The following PTPRN2 variants were observed in gnomAD, a reference collection of about 807,000 sequenced individuals.
The protein encoded by PTPRN2 is receptor-type tyrosine-protein phosphatase N2.
In PTPRN2, 74 loss-of-function variants were observed where a neutral mutation model predicts 118.8. That is an observed-to-expected ratio of 0.62 (90% CI 0.52 to 0.76). PTPRN2 has a LOEUF of 0.76. PTPRN2 is among the 30% of genes least tolerant of loss of function. The pLI, the probability that PTPRN2 is intolerant of heterozygous loss-of-function variation, is 0.00. For synonymous variants in PTPRN2, 641 were observed against 608.0 expected (o/e 1.05, Z -0.80); for missense variants, 1,481 against 1,394.4 (o/e 1.06, Z -0.99).
At chr7:158,132,482 C>T (rs1167017665) in intron 9 of PTPRN2, among the ~76,000 whole-genome samples, 2 of 152,048 alleles carry the variant, frequency 1.3e-5, no homozygotes, top group African/African-American at 4.8e-5. Context: ...CGTATACACA[C>T]ACGCACGCAC....
rs1826170202 is a variant in PTPRN2, at chr7:158,544,501, G to A, written c.112+43057C>T. Among the ~76,000 whole-genome samples the A allele has an allele frequency of 6.6e-6, 1 of 152,126 alleles. No individual in the cohort carries two copies. Among genetic ancestry groups the A allele is most frequent in the Non-Finnish European group, 1.5e-5 (1 of 68,032 alleles). On this transcript the variant is annotated intron_variant, in intron 1 of 22. Transcript: ENST00000389418. This position sits in a 1 kb window ranked among gnomAD's most constrained non-coding sequence, Gnocchi z 4.2. Reference sequence around the variant, plus strand: ...AAATACAAAAAAATTAGCCTGGTGTGGTGGCACATGCCTGTAATCACAGCT... The same window carrying A: ...AAATACAAAAAAATTAGCCTGGTGTAGTGGCACATGCCTGTAATCACAGCT...
rs1585117789 is a variant in PTPRN2 at position 157,974,303 on chromosome 7, C to A, written c.1724-75566G>T. On this transcript the variant is annotated intron_variant, in intron 11 of 22. Transcript: ENST00000389418. The surrounding 1 kb of genome is among the most constrained non-coding windows in gnomAD (Gnocchi z 4.0). Reference sequence around the variant, plus strand: ...CAATGGTGCCACTCCAGCCGGGCCACCCTGCCCACAAGGTCTTCCACGGGG... The same window carrying A: ...CAATGGTGCCACTCCAGCCGGGCCAACCTGCCCACAAGGTCTTCCACGGGG... Among the ~76,000 whole-genome samples the A allele has an allele frequency of 6.6e-6, 1 of 152,222 alleles. No homozygotes were observed. The highest frequency in any genetic ancestry group is 1.9e-4 in the East Asian group (1 of 5,198).
Position 158,579,435 on chromosome 7 carries a change from G to A in PTPRN2, c.112+8123C>T, listed in dbSNP as rs1586977203. On this transcript the variant is annotated intron_variant, in intron 1 of 22. Coordinates refer to ENST00000389418, the MANE Select transcript of PTPRN2 (RefSeq NM_002847.5). The stretch of plus-strand genomic sequence containing the variant: ...TATCAGAAACTCTGTGGTTACCAAG[G>A]ACTCTCCCACCCATCTCAGGTAATC... Among the ~76,000 whole-genome samples the A allele has an allele frequency of 2.6e-5, 4 of 152,242 alleles. No individual in the cohort carries two copies. In the South Asian group the frequency reaches 8.3e-4, roughly 32 times the overall value.
intron 11 of PTPRN2, among the ~76,000 whole-genome samples, chr7:157,958,002 T>C (rs1044836120): frequency 1.5e-4 from 23 of 152,066 alleles, no homozygotes; most frequent in African/African-American, 5.6e-4. Context: ...AAAATACTAG[T>C]AGACAAAATT....
chr7:158,057,039 G>A (rs1036256480), intron 11 of PTPRN2, among the ~76,000 whole-genome samples: 7 of 152,178 alleles, frequency 4.6e-5, no homozygotes, highest in Admixed American at 1.3e-4. Flanking sequence ...CCCACCCAGC[G>A]ACCCCAAGGT....
intron 3 of PTPRN2, among the ~76,000 whole-genome samples, chr7:158,294,020 C>T (rs1388652531): frequency 6.6e-6 from 1 of 152,246 alleles, no homozygotes; most frequent in Non-Finnish European, 1.5e-5. Flanking sequence ...GATAAAAGTA[C>T]AGCAAATACA....
intron 9 of PTPRN2, among the ~76,000 whole-genome samples, chr7:158,121,499 G>T (rs914987864): frequency 6.6e-6 from 1 of 152,150 alleles, no homozygotes; most frequent in Admixed American, 6.5e-5. Flanking sequence ...TGCCCCCTGC[G>T]GAGCATAAGC....
chr7:157,717,690 G>GTGAAGCAAGGGTC, intron 12 of PTPRN2, among the ~76,000 whole-genome samples: 1 of 152,364 alleles, frequency 6.6e-6, no homozygotes, highest in East Asian at 1.9e-4. Context: ...ATGGGCACCG[G>GTGAAGCAAGGGTC]CTGCTCCTTG....
intron 5 of PTPRN2, 141 bp from the exon 6 acceptor site, chr7:158,167,432 G>T: frequency 4.5e-6 from 5 of 1,120,292 alleles, no homozygotes; most frequent in Non-Finnish European, 6.2e-6. Flanking sequence ...CAGGTTCAAG[G>T]TCCTAAACAG....
chr7:158,183,480 A>G (rs1357707112), intron 5 of PTPRN2, among the ~76,000 whole-genome samples: 6 of 152,080 alleles, frequency 3.9e-5, no homozygotes, highest in Non-Finnish European at 8.8e-5. Flanking sequence ...TTAGATTGCA[A>G]ATTTCAGTTG....
intron 11 of PTPRN2, among the ~76,000 whole-genome samples, chr7:157,942,272 C>A (rs1389606447): frequency 1.3e-5 from 2 of 152,064 alleles, no homozygotes. Flanking sequence ...TGAGGCACCA[C>A]AAAAGCAGCA....
chr7:157,898,992 C>T (rs991209939), intron 11 of PTPRN2, among the ~76,000 whole-genome samples: 7 of 152,222 alleles, frequency 4.6e-5, no homozygotes, highest in East Asian at 1.9e-4. Flanking sequence ...GTGTCCCACC[C>T]GGGTCCCCAG....
intron 13 of PTPRN2, among the ~76,000 whole-genome samples, chr7:157,662,295 C>CTACGAT (rs1437319999): frequency 6.6e-6 from 1 of 152,216 alleles, no homozygotes; most frequent in Non-Finnish European, 1.5e-5. Context: ...GCTGTTCCTA[C>CTACGAT]TACGATGATT....
intron 2 of PTPRN2, among the ~76,000 whole-genome samples, chr7:158,373,926 T>C (rs1810295413): frequency 6.6e-6 from 1 of 152,204 alleles, no homozygotes; most frequent in East Asian, 1.9e-4. Flanking sequence ...TCTGCCTACC[T>C]GGTGCATGGA....
intron 10 of PTPRN2, among the ~76,000 whole-genome samples, chr7:158,095,262 C>T (rs1814541185): frequency 6.6e-6 from 1 of 150,676 alleles, no homozygotes; most frequent in Admixed American, 6.7e-5. Context: ...TAACGCCAAG[C>T]AGGGTATCTA....
intron 2 of PTPRN2, among the ~76,000 whole-genome samples, chr7:158,465,135 C>T (rs1363554417): frequency 6.6e-6 from 1 of 152,176 alleles, no homozygotes; most frequent in Non-Finnish European, 1.5e-5. Context: ...GCATGCTGGG[C>T]CTCCTCTCCT....
intron 1 of PTPRN2, among the ~76,000 whole-genome samples, chr7:158,494,341 C>G (rs544382597): frequency 6.6e-6 from 1 of 152,380 alleles, no homozygotes; most frequent in South Asian, 2.1e-4. Context: ...TTCCTGGGTT[C>G]AGGCTTCTCG....
At chr7:158,131,140 A>G (rs1338255498) in intron 9 of PTPRN2, among the ~76,000 whole-genome samples, 3 of 80,080 alleles carry the variant, frequency 3.7e-5, no homozygotes, top group South Asian at 4.6e-4. Context: ...ACATACACAC[A>G]TACACACACA....
chr7:158,543,878 C>T (rs1826135983), intron 1 of PTPRN2, among the ~76,000 whole-genome samples: 1 of 152,258 alleles, frequency 6.6e-6, no homozygotes, highest in South Asian at 2.1e-4. Flanking sequence ...CCCGGCTAAG[C>T]TGCCTCTGCA....
Sources: allele counts gnomAD v4.1 joint callset (sites outside exome capture counted in the v4.1 genomes callset), GRCh38; gene constraint gnomAD v4.1.1; non-coding constraint Gnocchi (gnomAD v3.1); transcripts MANE v1.5; gene names NCBI Gene and HGNC (gene_info 2026-07-23, HGNC 2026-07-21).